The following DAB1 variants were observed in gnomAD, a reference collection of about 807,000 sequenced individuals.
The protein encoded by DAB1 is DAB adaptor protein 1, also known as disabled homolog 1.
Under a neutral mutation model 64.6 loss-of-function variants are expected in DAB1, and 15 were observed. The ratio of observed to expected loss-of-function variants is 0.23; its 90% CI spans 0.16 to 0.36. The LOEUF (loss-of-function observed/expected upper bound fraction) is 0.36. Ranked by LOEUF, DAB1 falls within the 10% of genes least tolerant of loss-of-function variation. The pLI is 1.00. For synonymous variants in DAB1, 235 were observed against 251.9 expected (o/e 0.93, Z 0.64); for missense variants, 596 against 706.7 (o/e 0.84, Z 1.78).
intron 2 of DAB1, among the ~76,000 whole-genome samples, chr1:57,211,363 A>G (rs1665991030): frequency 6.6e-6 from 1 of 152,192 alleles, no homozygotes; most frequent in Non-Finnish European, 1.5e-5. Flanking sequence ...TGATACAAGT[A>G]GAGTGCTTGT....
intron 2 of DAB1, among the ~76,000 whole-genome samples, chr1:57,172,842 CAGG>C (rs1661920192): frequency 6.6e-6 from 1 of 152,128 alleles, no homozygotes; most frequent in South Asian, 2.1e-4. Flanking sequence ...CAACTTTCAA[CAGG>C]AGATTTGGAG....
rs199891268 is a variant in DAB1, at chr1:57,992,127, C to CA, written n.388-107966dup. Among the ~76,000 whole-genome samples the CA allele has an allele frequency of 2.6e-3, 394 of 151,884 alleles. 5 individuals carry two copies. Among genetic ancestry groups the CA allele is most frequent in the African/African-American group, 9.1e-3 (377 of 41,444 alleles). ...AATGTTGGGTGAAAGAAGCCAGACA[C>CA]AAAAAAAATACACACGGCATGATTC... On this transcript the variant is annotated intron_variant and non_coding_transcript_variant, in intron 5 of 20. Transcript: ENST00000485760.
At chr1:58,145,043 G>T (rs1312629949) in intron 5 of DAB1, among the ~76,000 whole-genome samples, 1 of 152,232 alleles carries the variant, frequency 6.6e-6, no homozygotes, top group Non-Finnish European at 1.5e-5. Flanking sequence ...GGCTGCAGAT[G>T]GGTCTGTGTG....
rs79061206 is a variant in DAB1, at chr1:57,581,345, T to A, written n.625+68247A>T. ...TAAATATGGTTCTTTAAAATTTTTT[T>A]AAAAATACTATGAGCTTCAAAGGAG... On this transcript the variant is annotated intron_variant and non_coding_transcript_variant, in intron 7 of 20. Coordinates refer to the DAB1 transcript ENST00000485760. Among the ~76,000 whole-genome samples the A allele has an allele frequency of 6.1e-3, 934 of 152,280 alleles. 22 individuals carry two copies. Among genetic ancestry groups the A allele is most frequent in the East Asian group, 0.038 (197 of 5,180 alleles).
chr1:57,874,608 C>T (rs1236577935), intron 1 of DAB1, among the ~76,000 whole-genome samples: 1 of 152,074 alleles, frequency 6.6e-6, no homozygotes, highest in African/African-American at 2.4e-5. Context: ...GAAGAAACAG[C>T]CATAAATCAG....
intron 1 of DAB1, among the ~76,000 whole-genome samples, chr1:57,410,148 C>A (rs1683992888): frequency 6.6e-6 from 1 of 152,020 alleles, no homozygotes; most frequent in African/African-American, 2.4e-5. Flanking sequence ...AAAGAAAAAG[C>A]ACAGTTTGGG....
At chr1:57,463,536 G>A (rs1255972520) in intron 7 of DAB1, among the ~76,000 whole-genome samples, 2 of 152,152 alleles carry the variant, frequency 1.3e-5, no homozygotes, top group Non-Finnish European at 1.5e-5. Flanking sequence ...TAGGATGAGT[G>A]TGCTTTTTAC....
chr1:57,485,474 A>G (rs558247122), intron 7 of DAB1, among the ~76,000 whole-genome samples: 27 of 152,304 alleles, frequency 1.8e-4, no homozygotes, highest in African/African-American at 6.3e-4. Context: ...GCTTGGCATC[A>G]GGGAATACAG....
At chr1:58,440,434 G>A (rs1293594640) in intron 3 of DAB1, among the ~76,000 whole-genome samples, 1 of 152,198 alleles carries the variant, frequency 6.6e-6, no homozygotes, top group Non-Finnish European at 1.5e-5. Context: ...AGGGACCCTT[G>A]ACCCAGACTG....
At chr1:58,344,799 T>C (rs1008481178) in intron 3 of DAB1, among the ~76,000 whole-genome samples, 1 of 152,224 alleles carries the variant, frequency 6.6e-6, no homozygotes, top group Non-Finnish European at 1.5e-5. Flanking sequence ...CTGCCTAGCT[T>C]GCAGGATTGC....
At chr1:57,371,816 C>A (rs1432892700) in intron 1 of DAB1, among the ~76,000 whole-genome samples, 1 of 152,196 alleles carries the variant, frequency 6.6e-6, no homozygotes, top group Non-Finnish European at 1.5e-5. Flanking sequence ...CTTTACACCC[C>A]AGGGGACAAT....
At chr1:57,498,298 G>C (rs1165545568) in intron 7 of DAB1, among the ~76,000 whole-genome samples, 1 of 152,312 alleles carries the variant, frequency 6.6e-6, no homozygotes, top group Admixed American at 6.5e-5. Context: ...CTGAGCAGTG[G>C]TCCTCAAGGC....
intron 5 of DAB1, among the ~76,000 whole-genome samples, chr1:58,074,656 A>C (rs938506205): frequency 4.0e-5 from 6 of 148,738 alleles, no homozygotes; most frequent in Non-Finnish European, 7.4e-5. Flanking sequence ...CAAGGCAACG[A>C]ACTTTATGCC....
At chr1:58,283,092 A>T (rs1474572981) in intron 4 of DAB1, among the ~76,000 whole-genome samples, 1 of 151,742 alleles carries the variant, frequency 6.6e-6, no homozygotes, top group Admixed American at 6.6e-5. Flanking sequence ...AAACATTCAG[A>T]CATACAGCCT....
intron 4 of DAB1, among the ~76,000 whole-genome samples, chr1:58,287,853 C>G (rs191456759): frequency 8.4e-4 from 127 of 151,786 alleles, no homozygotes; most frequent in Admixed American, 5.6e-3. Context: ...GAAACCTTGT[C>G]TCTATTAAAA....
rs537031572 is a variant in DAB1 at position 58,225,664 on chromosome 1, G to A, written n.310-75076C>T. Among the ~76,000 whole-genome samples, 152 of 152,004 alleles carry A rather than the reference G, an allele frequency of 1.0e-3. 5 individuals are homozygous for A. The South Asian group carries it at 0.031, about 31-fold the overall frequency. On this transcript the variant is annotated intron_variant and non_coding_transcript_variant, in intron 4 of 20. Transcript: ENST00000485760. The stretch of plus-strand genomic sequence containing the variant: ...AGGATGAGTTCATATCCTTTGTAGG[G>A]ACATGGATGAAGCTGGAAACCATCA...
At chr1:57,157,000 G>A (rs1660284291) in intron 2 of DAB1, among the ~76,000 whole-genome samples, 1 of 152,198 alleles carries the variant, frequency 6.6e-6, no homozygotes, top group Non-Finnish European at 1.5e-5. Flanking sequence ...TCTGTCAGGA[G>A]TCAGGATCCG....
At chr1:58,423,047 T>A (rs549224859) in intron 3 of DAB1, among the ~76,000 whole-genome samples, 1 of 152,110 alleles carries the variant, frequency 6.6e-6, no homozygotes, top group African/African-American at 2.4e-5. Flanking sequence ...TGAGTTCCAA[T>A]CCCCCTTCTC....
intron 5 of DAB1, among the ~76,000 whole-genome samples, chr1:57,959,024 A>G (rs1278588129): frequency 1.3e-5 from 2 of 152,304 alleles, no homozygotes; most frequent in East Asian, 1.9e-4. Context: ...GCCTGTTTGT[A>G]TGCTAACTCT....
Sources: allele counts gnomAD v4.1 joint callset (sites outside exome capture counted in the v4.1 genomes callset), GRCh38; gene constraint gnomAD v4.1.1; transcripts MANE v1.5; gene names NCBI Gene and HGNC (gene_info 2026-07-23, HGNC 2026-07-21).